PCDHA6: variants seen among roughly 807,000 people sequenced by gnomAD.
PCDHA6 encodes the protein protocadherin alpha 6.
PCDHA6 carries 55 observed loss-of-function variants against 60.3 expected under a neutral mutation model. The observed-to-expected ratio is 0.91, with a 90% CI of 0.73 to 1.14. The LOEUF (loss-of-function observed/expected upper bound fraction) is 1.14. Ranked by LOEUF, PCDHA6 falls within the 50% of genes most tolerant of loss-of-function variation. The probability of loss-of-function intolerance (pLI) is 0.00; values close to 1 mark genes in which losing one functional copy is unlikely to be tolerated. For synonymous variants in PCDHA6, 652 were observed against 557.9 expected (o/e 1.17, Z -2.38); for missense variants, 1,327 against 1,256.5 (o/e 1.06, Z -0.85).
chr5:140,883,746 C>A (rs1554179687), intron 1 of PCDHA6: 1 of 1,613,326 alleles, frequency 6.2e-7, no homozygotes, highest in Non-Finnish European at 8.5e-7. Context: ...GTCTCCTACT[C>A]GCTGGTGGAG....
At chr5:140,875,457 G>T in intron 1 of PCDHA6, 3 of 1,595,968 alleles carry the variant, frequency 1.9e-6, no homozygotes, top group Non-Finnish European at 2.6e-6. Flanking sequence ...CAACTCAGAG[G>T]CCCTCATTTT....
chr5:140,828,762 G>A lies in PCDHA6; in HGVS notation c.671G>A (p.Gly224Asp), dbSNP rs2150158654. The stretch of plus-strand genomic sequence containing the variant: ...GATGGGGGCAAACCTGAGCTCACAG[G>A]CACTGTTCAGCTGCTGGTCACAGTG... ...ATDGGKPELT[G>D]TVQLLVTVLD... The change falls in exon 1 of 4, where the codon GGC (glycine) becomes GAC (aspartate). Residue 224 changes from glycine to aspartate, a missense_variant. Coordinates refer to ENST00000529310, the MANE Select transcript of PCDHA6 (RefSeq NM_018909.4). The A allele has an allele frequency of 3.1e-6, 5 of 1,614,070 alleles. 1 individual carries two copies. The South Asian group carries it at 4.4e-5, about 14-fold the overall frequency.
chr5:140,835,739 C>A (rs185499663), intron 1 of PCDHA6: 15 of 1,613,474 alleles, frequency 9.3e-6, no homozygotes, highest in Non-Finnish European at 1.3e-5. Flanking sequence ...ACGACAACGC[C>A]CCGGCGTTCG....
At chr5:140,927,848 G>C (rs1295513512) in intron 1 of PCDHA6, 1 of 1,614,180 alleles carries the variant, frequency 6.2e-7, no homozygotes, top group African/African-American at 1.3e-5. Flanking sequence ...GGTGTCTTTG[G>C]TTTAGCTAGC....
intron 1 of PCDHA6, among the ~76,000 whole-genome samples, chr5:140,953,801 T>C (rs2094937379): frequency 6.6e-6 from 1 of 152,204 alleles, no homozygotes; most frequent in Non-Finnish European, 1.5e-5. Flanking sequence ...ACTTTTAAGT[T>C]CTGAGGTGCA....
At chr5:140,966,455 C>G (rs376758355) in intron 1 of PCDHA6, 20 of 426,928 alleles carry the variant, frequency 4.7e-5, no homozygotes, top group East Asian at 2.8e-4. Flanking sequence ...CCCCCTCCCC[C>G]TCTGTCTTCC....
chr5:140,843,174 C>G (rs2150354431), intron 1 of PCDHA6: 17 of 1,596,086 alleles, frequency 1.1e-5, no homozygotes, highest in African/African-American at 9.4e-5. Context: ...GCAAGCAGCC[C>G]TCGCATCCCG....
intron 1 of PCDHA6, among the ~76,000 whole-genome samples, chr5:140,910,919 T>G (rs2075230231): frequency 6.6e-6 from 1 of 152,154 alleles, no homozygotes; most frequent in Admixed American, 6.5e-5. Flanking sequence ...TTTTTGCTTA[T>G]ATAAATAAGA....
At chr5:140,858,617 AC>A (rs2045522200) in intron 1 of PCDHA6, 1 of 1,181,008 alleles carries the variant, frequency 8.5e-7, no homozygotes. Context: ...TTTTTATCCT[AC>A]CCAGTGTGTC....
intron 3 of PCDHA6, among the ~76,000 whole-genome samples, chr5:141,007,395 C>CAAAAAAAAAAAAAAAAAA (rs35800918): frequency 1.1e-5 from 1 of 94,866 alleles, no homozygotes; most frequent in African/African-American, 4.3e-5. Context: ...TACTAAAATA[C>CAAAAAAAAAAAAAAAAAA]AAAAAAAAAA....
At chr5:141,000,639 G>A (rs1375900945) in intron 3 of PCDHA6, among the ~76,000 whole-genome samples, 2 of 151,186 alleles carry the variant, frequency 1.3e-5, no homozygotes, top group East Asian at 1.9e-4. Flanking sequence ...TGTTGGGCAG[G>A]CTGGTCTCGA....
intron 1 of PCDHA6, chr5:140,843,208 C>A: frequency 6.3e-7 from 1 of 1,596,004 alleles, no homozygotes; most frequent in South Asian, 1.1e-5. Context: ...TGTACACGGG[C>A]GAGATCAGCA....
chr5:140,847,155 T>C lies in PCDHA6; in HGVS notation c.2394+16670T>C. On this transcript the variant is annotated intron_variant, in intron 1 of 3. Transcript: ENST00000529310. ...ACCAATGTAAGAAGATCTCTTGATT[T>C]CTGAGTAATAAACTAAAGGGCCATG... is the stretch of plus-strand genomic sequence containing the variant. Among the ~76,000 whole-genome samples, 2 of 149,582 alleles carry C rather than the reference T, an allele frequency of 1.3e-5. 1 individual carries two copies. The highest frequency in any genetic ancestry group is 3.0e-5 in the Non-Finnish European group (2 of 66,904).
intron 1 of PCDHA6, chr5:140,856,983 G>A: frequency 6.3e-7 from 1 of 1,595,186 alleles, no homozygotes; most frequent in Non-Finnish European, 8.6e-7. Flanking sequence ...TTTGAGGACA[G>A]TAACACTTAT....
chr5:140,840,891 T>G (rs921088657), intron 1 of PCDHA6, among the ~76,000 whole-genome samples: 2 of 152,014 alleles, frequency 1.3e-5, no homozygotes, highest in Non-Finnish European at 2.9e-5. Flanking sequence ...CTGATATCCA[T>G]GACATACAGG....
In PCDHA6 at chr5:140,857,333, G is replaced by A. The variant is rs200210897; in HGVS notation, c.2394+26848G>A. 35 of 1,598,586 alleles carry A rather than the reference G, an allele frequency of 2.2e-5. 1 individual carries two copies. The highest frequency in any genetic ancestry group is 4.4e-5 in the South Asian group (4 of 90,524). On this transcript the variant is annotated intron_variant, in intron 1 of 3. Coordinates refer to ENST00000529310, the MANE Select transcript of PCDHA6 (RefSeq NM_018909.4). ...TGAGCTGGTGGTGACCGCGCGGGAC[G>A]GGGGCTCGCCTCCGCTGTGGGCCAC... is the stretch of plus-strand genomic sequence containing the variant.
intron 1 of PCDHA6, among the ~76,000 whole-genome samples, chr5:140,925,728 TAAATATTTACAGAAAGA>T (rs1554202900): frequency 6.6e-6 from 1 of 151,870 alleles, no homozygotes; most frequent in African/African-American, 2.4e-5. Context: ...TGGTGTTTTC[TAAATATTTACAGAAAGA>T]AAATTTACAG....
chr5:140,967,959 G>A lies in PCDHA6; in HGVS notation c.2395-10990G>A, dbSNP rs782716187. ...AATGACCAAGACTCAGGCCCCAACC[G>A]GAAAGTGAGCCTGGGTCTGGAGGCC... On this transcript the variant is annotated intron_variant, in intron 1 of 3. Transcript: ENST00000529310. The A allele has an allele frequency of 1.5e-5, 25 of 1,614,046 alleles. No individual in the cohort carries two copies. Among genetic ancestry groups the A allele is most frequent in the Non-Finnish European group, 1.9e-5 (23 of 1,180,058 alleles).
At chr5:140,838,694 G>A (rs765335937) in intron 1 of PCDHA6, among the ~76,000 whole-genome samples, 2 of 151,960 alleles carry the variant, frequency 1.3e-5, no homozygotes, top group African/African-American at 4.8e-5. Context: ...CCAACATTTC[G>A]GGAGGCCGAG....
Sources: gnomAD v4.1 joint callset for allele counts (sites outside exome capture counted in the v4.1 genomes callset) on GRCh38, gnomAD v4.1.1 for gene constraint, MANE v1.5 for transcripts, NCBI Gene and HGNC (gene_info 2026-07-23, HGNC 2026-07-21) for gene names.